The following H2AC6 variants were observed in gnomAD, a reference collection of about 807,000 sequenced individuals.
H2AC6 encodes H2A clustered histone 6.
A neutral mutation model predicts 6.8 loss-of-function variants in H2AC6; 5 were observed. The observed-to-expected ratio is 0.73, with a 90% confidence interval of 0.38 to 1.54. H2AC6 has a LOEUF of 1.54. Among genes scored for constraint, H2AC6 ranks in the 40% most tolerant of loss-of-function variants. The pLI is 0.03. For missense variants in H2AC6, 154 were observed against 180.7 expected (o/e 0.85, Z 0.85); for synonymous variants, 146 against 79.2 (o/e 1.84, Z -4.48).
rs561359826 is a variant in H2AC6, at chr6:26,124,182, G to A, written c.-51G>A. 7 of 1,528,098 alleles carry A rather than the reference G, an allele frequency of 4.6e-6. No individual in the cohort carries two copies. The East Asian group carries it at 6.8e-5, about 15-fold the overall frequency. 94.7% of individuals were successfully genotyped at this position (1,528,098 alleles called of 1,614,324 possible). A position where few individuals can be genotyped will look rare whatever the true frequency, so the allele number is the denominator to read the frequency against. ...TTTTACATATTTCTTGATTTTGTTT[G>A]TTTTCTCGTGAGCTTAGGCCGCTGG... On this transcript the variant is annotated 5_prime_UTR_variant, in exon 1 of 1. Coordinates refer to ENST00000377791, the MANE Select transcript of H2AC6 (RefSeq NM_003512.4).
At position 26,124,606 on chromosome 6, in the gene H2AC6, ACAAGGC is replaced by A; in HGVS notation, c.380_385del (p.Ala127_Lys128del). On this transcript the variant is annotated inframe_deletion, in exon 1 of 1. Transcript: ENST00000377791. Reference sequence around the variant, plus strand: ...CTGCCTAAGAAGACCGAGAGTCACCACAAGGCCAAGGGCAAGTGATTTGACAGGTAT... The same window carrying A: ...CTGCCTAAGAAGACCGAGAGTCACCACAAGGGCAAGTGATTTGACAGGTAT... 1 of 1,614,026 alleles carries A rather than the reference ACAAGGC, an allele frequency of 6.2e-7. No homozygotes were observed. The highest frequency in any genetic ancestry group is 8.5e-7 in the Non-Finnish European group (1 of 1,179,882).
At position 26,124,502 on chromosome 6, in the gene H2AC6, C is replaced by T. The variant is rs761721525; in HGVS notation, c.270C>T (p.Asn90=). ...GCCACTTGCAGCTGGCCATCCGCAA[C>T]GACGAGGAGCTCAACAAACTGCTAG... ...IPRHLQLAIR[N]DEELNKLLGR... Residue 90 remains asparagine (N), a synonymous_variant, in exon 1 of 1, where the codon AAC becomes AAT. Coordinates refer to ENST00000377791, the MANE Select transcript of H2AC6 (RefSeq NM_003512.4). The T allele has an allele frequency of 6.2e-6, 10 of 1,614,216 alleles. No individual in the cohort carries two copies. The highest frequency in any genetic ancestry group is 1.1e-5 in the South Asian group (1 of 91,086).
rs1309202404 is a variant in H2AC6, at chr6:26,124,372, G to A, written c.140G>A (p.Gly47Asp). ...KGNYAERVGA[G>D]APVYLAAVLE... is the part of the protein sequence containing the mutation. ...AACTACGCAGAGCGGGTTGGGGCAG[G>A]CGCGCCGGTGTACCTGGCGGCGGTG... is the stretch of plus-strand genomic sequence containing the variant. Residue 47 changes from glycine to aspartate, a missense_variant, in exon 1 of 1, where the codon GGC becomes GAC. By Grantham distance (94) the Gly-to-Asp change is moderately conservative. Around this residue, in one of 2 missense-constraint regions of H2AC6, gnomAD observed 111 missense variants for 91.9 expected, o/e 1.21. Coordinates refer to ENST00000377791, the MANE Select transcript of H2AC6 (RefSeq NM_003512.4). The A allele has an allele frequency of 6.2e-7, 1 of 1,614,136 alleles. No individual in the cohort carries two copies. Among genetic ancestry groups the A allele is most frequent in the Non-Finnish European group, 8.5e-7 (1 of 1,180,034 alleles).
chr6:26,124,431 G>C lies in H2AC6; in HGVS notation c.199G>C (p.Ala67Pro), dbSNP rs755131057. The change falls in exon 1 of 1, where the codon GCC (alanine) becomes CCC (proline). Residue 67 changes from alanine to proline, a missense_variant. Ala to Pro is a conservative substitution (Grantham distance 27, BLOSUM62 -1). This residue lies in a region of H2AC6 where 111 missense variants were observed against 91.9 expected (regional missense o/e 1.21). Coordinates refer to ENST00000377791, the MANE Select transcript of H2AC6 (RefSeq NM_003512.4). The stretch of plus-strand genomic sequence containing the variant: ...CCTGACCGCCGAGATCCTGGAGCTG[G>C]CCGGCAACGCGGCTCGCGACAACAA... ...EYLTAEILEL[A>P]GNAARDNKKT... The C allele has an allele frequency of 6.2e-7, 1 of 1,614,078 alleles. No individual in the cohort carries two copies. Among genetic ancestry groups the C allele is most frequent in the East Asian group, 2.2e-5 (1 of 44,878 alleles).
rs756841069 is a variant in H2AC6 at position 26,124,646 on chromosome 6, C to G, written c.*21C>G. 1.0e-5 allele frequency: 16 copies of G among 1,603,752 alleles called. No homozygotes were observed. In the Middle Eastern group the frequency reaches 5.0e-4, roughly 50 times the overall value. ...AGTGATTTGACAGGTATCTGAGCTC[C>G]CGGAAACGCTATCAAACCCAAAGGC... On this transcript the variant is annotated 3_prime_UTR_variant, in exon 1 of 1. Coordinates refer to ENST00000377791, the MANE Select transcript of H2AC6 (RefSeq NM_003512.4).
In H2AC6 at chr6:26,124,537, C is replaced by A; in HGVS notation, c.305C>A (p.Thr102Asn). The change falls in exon 1 of 1, where the codon ACC (threonine) becomes AAC (asparagine). Residue 102 changes from threonine (T) to asparagine (N), a missense_variant. By Grantham distance (65) the Thr-to-Asn change is moderately conservative. This residue lies in a region of H2AC6 where 43 missense variants were observed against 88.7 expected (regional missense o/e 0.48). Coordinates refer to ENST00000377791, the MANE Select transcript of H2AC6 (RefSeq NM_003512.4). Reference protein sequence around the residue: ...EELNKLLGRVTIAQGGVLPNI... With the variant: ...EELNKLLGRVNIAQGGVLPNI... ...CTCAACAAACTGCTAGGCCGGGTGA[C>A]CATTGCTCAGGGCGGCGTCCTTCCT... 6.2e-7 allele frequency: 1 copy of A among 1,614,208 alleles called. No homozygotes were observed. Among genetic ancestry groups the A allele is most frequent in the Non-Finnish European group, 8.5e-7 (1 of 1,180,036 alleles).
chr6:26,124,404 T>G lies in H2AC6; in HGVS notation c.172T>G (p.Tyr58Asp), dbSNP rs1581414244. The change falls in exon 1 of 1, where the codon TAC becomes GAC. Residue 58 changes from tyrosine to aspartate, a missense_variant. By Grantham distance (160) the Tyr-to-Asp change is radical. This residue lies in a region of H2AC6 where 111 missense variants were observed against 91.9 expected (regional missense o/e 1.21). Transcript: ENST00000377791. ...APVYLAAVLEYLTAEILELAG... is the reference protein window; with the variant it reads ...APVYLAAVLEDLTAEILELAG... Reference sequence around the variant, plus strand: ...GGTGTACCTGGCGGCGGTGTTAGAGTACCTGACCGCCGAGATCCTGGAGCT... The same window carrying G: ...GGTGTACCTGGCGGCGGTGTTAGAGGACCTGACCGCCGAGATCCTGGAGCT... 6.2e-7 allele frequency: 1 copy of G among 1,613,660 alleles called. No individual in the cohort carries two copies. The highest frequency in any genetic ancestry group is 8.5e-7 in the Non-Finnish European group (1 of 1,179,920).
Position 26,124,399 on chromosome 6 carries a change from T to C in H2AC6, c.167T>C (p.Leu56Ser). The C allele has an allele frequency of 6.2e-7, 1 of 1,613,988 alleles. No homozygotes were observed. The highest frequency in any genetic ancestry group is 2.2e-5 in the East Asian group (1 of 44,872). ...AGAPVYLAAV[L>S]EYLTAEILEL... The stretch of plus-strand genomic sequence containing the variant: ...GCGCCGGTGTACCTGGCGGCGGTGT[T>C]AGAGTACCTGACCGCCGAGATCCTG... Residue 56 changes from leucine (L) to serine (S), a missense_variant, in exon 1 of 1, where the codon TTA (leucine) becomes TCA (serine). Physicochemically the swap from Leu to Ser is moderately radical, Grantham distance 145 (BLOSUM62 -2). This residue lies in a region of H2AC6 where 111 missense variants were observed against 91.9 expected (regional missense o/e 1.21). Transcript: ENST00000377791.
chr6:26,124,216 A>AT lies in H2AC6; in HGVS notation c.-12dup, dbSNP rs1763578777. 2 of 1,556,886 alleles carry AT rather than the reference A, an allele frequency of 1.3e-6. No individual in the cohort carries two copies. Among genetic ancestry groups the AT allele is most frequent in the African/African-American group, 1.4e-5 (1 of 72,626 alleles). The stretch of plus-strand genomic sequence containing the variant: ...TGAGCTTAGGCCGCTGGTTTTGGTG[A>AT]TTTTTGTCTGATTGCAATGTCTGGA... On this transcript the variant is annotated 5_prime_UTR_variant, in exon 1 of 1. Coordinates refer to ENST00000377791, the MANE Select transcript of H2AC6 (RefSeq NM_003512.4).
Position 26,124,370 on chromosome 6 carries a change from A to G in H2AC6, c.138A>G (p.Ala46=). The G allele has an allele frequency of 2.5e-6, 4 of 1,614,130 alleles. No individual in the cohort carries two copies. The highest frequency in any genetic ancestry group is 3.4e-6 in the Non-Finnish European group (4 of 1,180,020). Residue 46 remains alanine (A), a synonymous_variant, in exon 1 of 1, where the codon GCA becomes GCG. Coordinates refer to ENST00000377791, the MANE Select transcript of H2AC6 (RefSeq NM_003512.4). ...RKGNYAERVG[A]GAPVYLAAVL... ...GCAACTACGCAGAGCGGGTTGGGGCAGGCGCGCCGGTGTACCTGGCGGCGG... is the reference window on the plus strand; with the variant it reads ...GCAACTACGCAGAGCGGGTTGGGGCGGGCGCGCCGGTGTACCTGGCGGCGG...
In H2AC6 at chr6:26,124,199, G is replaced by A. The variant is rs775935294; in HGVS notation, c.-34G>A. The stretch of plus-strand genomic sequence containing the variant: ...TTTTGTTTGTTTTCTCGTGAGCTTA[G>A]GCCGCTGGTTTTGGTGATTTTTGTC... On this transcript the variant is annotated 5_prime_UTR_variant, in exon 1 of 1. Coordinates refer to ENST00000377791, the MANE Select transcript of H2AC6 (RefSeq NM_003512.4). 1.3e-6 allele frequency: 2 copies of A among 1,549,380 alleles called. No individual in the cohort carries two copies. The highest frequency in any genetic ancestry group is 1.4e-5 in the African/African-American group (1 of 72,554).
Position 26,124,182 on chromosome 6 carries a change from G to C in H2AC6, c.-51G>C, listed in dbSNP as rs561359826. The C allele has an allele frequency of 6.5e-6, 10 of 1,527,978 alleles. No homozygotes were observed. Among genetic ancestry groups the C allele is most frequent in the South Asian group, 2.6e-5 (2 of 76,596 alleles). 94.7% of individuals were successfully genotyped at this position (1,527,978 alleles called of 1,614,324 possible). ...TTTTACATATTTCTTGATTTTGTTT[G>C]TTTTCTCGTGAGCTTAGGCCGCTGG... On this transcript the variant is annotated 5_prime_UTR_variant, in exon 1 of 1. Transcript: ENST00000377791.
chr6:26,124,397 G>T lies in H2AC6; in HGVS notation c.165G>T (p.Val55=). 1 of 1,614,118 alleles carries T rather than the reference G, an allele frequency of 6.2e-7. No individual in the cohort carries two copies. The highest frequency in any genetic ancestry group is 2.2e-5 in the East Asian group (1 of 44,874). ...GCGCGCCGGTGTACCTGGCGGCGGTGTTAGAGTACCTGACCGCCGAGATCC... is the reference window on the plus strand; with the variant it reads ...GCGCGCCGGTGTACCTGGCGGCGGTTTTAGAGTACCTGACCGCCGAGATCC... The part of the protein sequence containing the change: ...GAGAPVYLAA[V]LEYLTAEILE... Residue 55 remains valine, a synonymous_variant, in exon 1 of 1, where the codon GTG becomes GTT. Coordinates refer to ENST00000377791, the MANE Select transcript of H2AC6 (RefSeq NM_003512.4).
In H2AC6 at chr6:26,124,218, T is replaced by G; in HGVS notation, c.-15T>G. On this transcript the variant is annotated 5_prime_UTR_variant, in exon 1 of 1. The change creates a new upstream start codon in the 5' untranslated region. Transcript: ENST00000377791. ...AGCTTAGGCCGCTGGTTTTGGTGAT[T>G]TTTGTCTGATTGCAATGTCTGGACG... 6.4e-7 allele frequency: 1 copy of G among 1,559,178 alleles called. No individual in the cohort carries two copies. Among genetic ancestry groups the G allele is most frequent in the Non-Finnish European group, 8.7e-7 (1 of 1,154,618 alleles).
In H2AC6 at chr6:26,124,524, C is replaced by T. The variant is rs987728493; in HGVS notation, c.292C>T (p.Leu98=). The change falls in exon 1 of 1, where the codon CTA becomes TTA. Residue 98 remains leucine, a synonymous_variant. Coordinates refer to ENST00000377791, the MANE Select transcript of H2AC6 (RefSeq NM_003512.4). The part of the protein sequence containing the change: ...IRNDEELNKL[L]GRVTIAQGGV... ...CAACGACGAGGAGCTCAACAAACTG[C>T]TAGGCCGGGTGACCATTGCTCAGGG... 1.2e-5 allele frequency: 20 copies of T among 1,614,116 alleles called. No individual in the cohort carries two copies. Among genetic ancestry groups the T allele is most frequent in the Middle Eastern group, 3.3e-4 (2 of 6,084 alleles).
Position 26,124,403 on chromosome 6 carries a change from G to A in H2AC6, c.171G>A (p.Glu57=), listed in dbSNP as rs748497065. 3.1e-6 allele frequency: 5 copies of A among 1,614,032 alleles called. No individual in the cohort carries two copies. In the East Asian group the frequency reaches 8.9e-5, roughly 29 times the overall value. ...GAPVYLAAVL[E]YLTAEILELA... The stretch of plus-strand genomic sequence containing the variant: ...CGGTGTACCTGGCGGCGGTGTTAGA[G>A]TACCTGACCGCCGAGATCCTGGAGC... Residue 57 remains glutamate, a synonymous_variant, in exon 1 of 1, where the codon GAG becomes GAA. Transcript: ENST00000377791.
rs764202657 is a variant in H2AC6 at position 26,124,649 on chromosome 6, G to C, written c.*24G>C. The C allele has an allele frequency of 6.9e-6, 11 of 1,602,814 alleles. No homozygotes were observed. The highest frequency in any genetic ancestry group is 1.7e-4 in the Middle Eastern group (1 of 6,026). The stretch of plus-strand genomic sequence containing the variant: ...GATTTGACAGGTATCTGAGCTCCCG[G>C]AAACGCTATCAAACCCAAAGGCTCT... On this transcript the variant is annotated 3_prime_UTR_variant, in exon 1 of 1. Transcript: ENST00000377791.
In H2AC6 at chr6:26,124,286, C is replaced by T. The variant is rs1211489808; in HGVS notation, c.54C>T (p.Arg18=). 8 of 1,611,614 alleles carry T rather than the reference C, an allele frequency of 5.0e-6. No homozygotes were observed. The highest frequency in any genetic ancestry group is 2.2e-5 in the South Asian group (2 of 90,890). ...AAGCTCGCGCCAAAGCGAAATCCCG[C>T]TCTTCTCGCGCTGGTCTCCAGTTCC... ...GGKARAKAKS[R]SSRAGLQFPV... Residue 18 remains arginine (R), a synonymous_variant, in exon 1 of 1, where the codon CGC becomes CGT. Coordinates refer to ENST00000377791, the MANE Select transcript of H2AC6 (RefSeq NM_003512.4).
rs758160659 is a variant in H2AC6, at chr6:26,124,283, C to T, written c.51C>T (p.Ser17=). 6.2e-6 allele frequency: 10 copies of T among 1,610,938 alleles called. No individual in the cohort carries two copies. The highest frequency in any genetic ancestry group is 4.5e-5 in the East Asian group (2 of 44,872). ...QGGKARAKAK[S]RSSRAGLQFP... Reference sequence around the variant, plus strand: ...GCAAAGCTCGCGCCAAAGCGAAATCCCGCTCTTCTCGCGCTGGTCTCCAGT... The same window carrying T: ...GCAAAGCTCGCGCCAAAGCGAAATCTCGCTCTTCTCGCGCTGGTCTCCAGT... The change falls in exon 1 of 1, where the codon TCC becomes TCT. Residue 17 remains serine, a synonymous_variant. Transcript: ENST00000377791.
Sources: allele counts gnomAD v4.1 joint callset, GRCh38; gene constraint gnomAD v4.1.1; regional missense constraint gnomAD v4.1.1; transcripts MANE v1.5; gene names NCBI Gene and HGNC (gene_info 2026-07-23, HGNC 2026-07-21).